MAN1B1: variants seen among roughly 807,000 people sequenced by gnomAD.
The protein encoded by MAN1B1 is endoplasmic reticulum mannosyl-oligosaccharide 1,2-alpha-mannosidase.
MAN1B1 carries 66 observed loss-of-function variants against 75.5 expected under a neutral mutation model. The observed-to-expected ratio is 0.87, with a 90% CI of 0.72 to 1.07. The LOEUF is 1.07. Ranked by LOEUF, MAN1B1 falls within the 50% of genes least tolerant of loss-of-function variation. The probability of loss-of-function intolerance (pLI) is 0.00; values close to 1 mark genes in which losing one functional copy is unlikely to be tolerated. For synonymous variants in MAN1B1, 453 were observed against 382.8 expected (o/e 1.18, Z -2.14); for missense variants, 973 against 912.5 (o/e 1.07, Z -0.85).
chr9:137,088,890 A>G lies in MAN1B1; in HGVS notation c.350A>G (p.Glu117Gly), dbSNP rs758036422. The change falls in exon 3 of 13, where the codon GAA becomes GGA. Residue 117 changes from glutamate to glycine, a missense_variant. Physicochemically the swap from Glu to Gly is moderately conservative, Grantham distance 98. Coordinates refer to ENST00000371589, the MANE Select transcript of MAN1B1 (RefSeq NM_016219.5). ...HWKALAFRLE[E>G]EQKMRPEIAG... ...TCAGCTCTGGCTTTCAGGCTAGAGG[A>G]AGAGCAGAAGATGAGGCCAGAAATT... is the stretch of plus-strand genomic sequence containing the variant. 6.2e-7 allele frequency: 1 copy of G among 1,614,002 alleles called. No homozygotes were observed. Among genetic ancestry groups the G allele is most frequent in the Non-Finnish European group, 8.5e-7 (1 of 1,180,026 alleles).
intron 7 of MAN1B1, 145 bp from the exon 8 acceptor site, chr9:137,101,339 T>G: frequency 9.3e-7 from 1 of 1,074,642 alleles, no homozygotes. Context: ...GTAGAGACAT[T>G]CACTCAGTGC....
intron 1 of MAN1B1, among the ~76,000 whole-genome samples, 169 bp from the exon 2 acceptor site, chr9:137,087,906 C>T (rs932768761): frequency 3.3e-5 from 5 of 152,032 alleles, no homozygotes; most frequent in African/African-American, 7.3e-5. Context: ...ACCCACTACA[C>T]TCCAGCCTAG....
At position 137,098,497 on chromosome 9, in the gene MAN1B1, C is replaced by T. The variant is rs952077790; in HGVS notation, c.730+560C>T. Reference sequence around the variant, plus strand: ...GTCGCTGAGTCTGGAGCCCTGCTCTCATCATGCCCCCCAGGTGTCTCTGAG... The same window carrying T: ...GTCGCTGAGTCTGGAGCCCTGCTCTTATCATGCCCCCCAGGTGTCTCTGAG... On this transcript the variant is annotated intron_variant, in intron 5 of 12. Transcript: ENST00000371589. Among the ~76,000 whole-genome samples, 4 of 152,172 alleles carry T rather than the reference C, an allele frequency of 2.6e-5. 1 individual carries two copies. Among genetic ancestry groups the T allele is most frequent in the African/African-American group, 9.7e-5 (4 of 41,434 alleles).
rs1248056094 is a variant in MAN1B1 at position 137,107,953 on chromosome 9, C to T, written c.1896+291C>T. 8 of 633,958 alleles carry T rather than the reference C, an allele frequency of 1.3e-5. No individual in the cohort carries two copies. In the East Asian group the frequency reaches 2.2e-4, roughly 17 times the overall value. 39.3% of individuals were successfully genotyped at this position (633,958 alleles called of 1,614,324 possible). A position where few individuals can be genotyped will look rare whatever the true frequency, so the allele number is the denominator to read the frequency against. On this transcript the variant is annotated intron_variant, in intron 12 of 12. Coordinates refer to ENST00000371589, the MANE Select transcript of MAN1B1 (RefSeq NM_016219.5). ...GTCTCTGCTGTGGGCCCAGCATCCC[C>T]CCAGTTTAGGAGGCACACGCACCCA...
rs1269106885 is a variant in MAN1B1 at position 137,107,531 on chromosome 9, C to T, written c.1765C>T (p.Pro589Ser). 6 of 1,612,834 alleles carry T rather than the reference C, an allele frequency of 3.7e-6. No homozygotes were observed. In the Admixed American group the frequency reaches 6.7e-5, roughly 18 times the overall value. ...QPGRRDVEVKPADRHNLLRPE... is the reference protein window; with the variant it reads ...QPGRRDVEVKSADRHNLLRPE... ...GCCCTGAGCTCTGCTCCGCCCACAG[C>T]CAGCAGACAGGCACAACCTGCTGCG... Residue 589 changes from proline to serine, a missense_variant and splice_region_variant, in exon 12 of 13, where the codon CCA (proline) becomes TCA (serine). Coordinates refer to ENST00000371589, the MANE Select transcript of MAN1B1 (RefSeq NM_016219.5).
At chr9:137,088,577 T>C (rs1008849420) in intron 2 of MAN1B1, 1 of 792,116 alleles carries the variant, frequency 1.3e-6, no homozygotes, top group South Asian at 1.6e-5. Context: ...ATGCTTCTCT[T>C]TGGAGCAAAG....
intron 3 of MAN1B1, among the ~76,000 whole-genome samples, chr9:137,092,992 A>G (rs1234105993): frequency 6.6e-6 from 1 of 152,154 alleles, no homozygotes; most frequent in Admixed American, 6.6e-5. Context: ...AGAATATTTC[A>G]TCCTTTACCA....
intron 2 of MAN1B1, chr9:137,088,419 C>A (rs1254154241): frequency 2.6e-6 from 4 of 1,560,562 alleles, no homozygotes; most frequent in Non-Finnish European, 3.5e-6. Flanking sequence ...ATATGTCCAG[C>A]CTCCCTTATA....
rs973135943 is a variant in MAN1B1 at position 137,108,956 on chromosome 9, C to T, written c.*365C>T. On this transcript the variant is annotated 3_prime_UTR_variant, in exon 13 of 13. Coordinates refer to ENST00000371589, the MANE Select transcript of MAN1B1 (RefSeq NM_016219.5). ...GGACAGCCCAGGGTGCAGCTCTGCCCGGGCTCGTGAAGCCTCAGATGTCCC... is the reference window on the plus strand; with the variant it reads ...GGACAGCCCAGGGTGCAGCTCTGCCTGGGCTCGTGAAGCCTCAGATGTCCC... 4.6e-5 allele frequency: 22 copies of T among 476,496 alleles called. No individual in the cohort carries two copies. In the East Asian group the frequency reaches 1.1e-3, roughly 23 times the overall value. The allele number at this position is 476,496 out of a possible 1,614,324, so 29.5% of individuals were successfully genotyped here. A position where few individuals can be genotyped will look rare whatever the true frequency, so the allele number is the denominator to read the frequency against.
intron 8 of MAN1B1, chr9:137,105,592 C>A: frequency 3.2e-6 from 1 of 313,348 alleles, no homozygotes; most frequent in South Asian, 2.7e-5. Context: ...GTACCCTGTG[C>A]CCCTCTGTGG....
chr9:137,096,757 T>C (rs1564279142), intron 4 of MAN1B1, among the ~76,000 whole-genome samples: 1 of 152,208 alleles, frequency 6.6e-6, no homozygotes, highest in African/African-American at 2.4e-5. Flanking sequence ...GAGAGGGAGT[T>C]GCCCGGTGCC....
Position 137,087,001 on chromosome 9 carries a change from T to TGGCTGCCTGCGAG in MAN1B1, c.6_18dup (p.Arg7_?6), listed in dbSNP as rs1830381176. 6.3e-7 allele frequency: 1 copy of TGGCTGCCTGCGAG among 1,592,786 alleles called. No homozygotes were observed. Among genetic ancestry groups the TGGCTGCCTGCGAG allele is most frequent in the East Asian group, 2.3e-5 (1 of 44,108 alleles). Reference sequence around the variant, plus strand: ...GGGCGGGCTGTTGACGGCGCTGCGATGGCTGCCTGCGAGGGCAGGAGAAGC... The same window carrying TGGCTGCCTGCGAG: ...GGGCGGGCTGTTGACGGCGCTGCGATGGCTGCCTGCGAGGGCTGCCTGCGAGGGCAGGAGAAGC... On this transcript the variant is annotated frameshift_variant and start_lost, in exon 1 of 13. Coordinates refer to ENST00000371589, the MANE Select transcript of MAN1B1 (RefSeq NM_016219.5). LOFTEE classifies it high-confidence loss of function.
At chr9:137,093,185 G>A (rs1035711502) in intron 3 of MAN1B1, among the ~76,000 whole-genome samples, 3 of 152,272 alleles carry the variant, frequency 2.0e-5, no homozygotes, top group Non-Finnish European at 4.4e-5. Flanking sequence ...TTTGAGGTCA[G>A]GAGTTTGAGA....
Position 137,088,073 on chromosome 9 carries a change from A to G in MAN1B1, c.220-2A>G. On this transcript the variant is annotated splice_acceptor_variant, in intron 1 of 12. Transcript: ENST00000371589. LOFTEE classifies it high-confidence loss of function. ...AAATGTCATTCTCTGTACCTCCCTT[A>G]GAAATGGAAGCAACTGTCGAGATTG... The G allele has an allele frequency of 1.9e-6, 3 of 1,612,420 alleles. No homozygotes were observed. Among genetic ancestry groups the G allele is most frequent in the Non-Finnish European group, 2.5e-6 (3 of 1,178,376 alleles).
chr9:137,096,379 G>A lies in MAN1B1; in HGVS notation c.608G>A (p.Arg203Lys). ...VDPRPEGDPQ[R>K]TVISWRGAVI... Reference sequence around the variant, plus strand: ...CCCCGCCCGGAAGGAGATCCGCAGAGGACAGTCATCAGGTACAGAGCGCAG... The same window carrying A: ...CCCCGCCCGGAAGGAGATCCGCAGAAGACAGTCATCAGGTACAGAGCGCAG... The change falls in exon 4 of 13, where the codon AGG (arginine) becomes AAG (lysine). Residue 203 changes from arginine (R) to lysine (K), a missense_variant. Coordinates refer to ENST00000371589, the MANE Select transcript of MAN1B1 (RefSeq NM_016219.5). 1 of 1,613,682 alleles carries A rather than the reference G, an allele frequency of 6.2e-7. No homozygotes were observed.
In MAN1B1 at chr9:137,087,058, T is replaced by G. The variant is rs763230337; in HGVS notation, c.59T>G (p.Leu20Arg). Residue 20 changes from leucine to arginine, a missense_variant, in exon 1 of 13, where the codon CTG becomes CGG. Coordinates refer to ENST00000371589, the MANE Select transcript of MAN1B1 (RefSeq NM_016219.5). ...CTCGGTTCCTCTCAGTCGGACTTCC[T>G]GACGCCGCCAGTGGGCGGGGCCCCT... is the stretch of plus-strand genomic sequence containing the variant. ...GALGSSQSDF[L>R]TPPVGGAPWA... The G allele has an allele frequency of 6.2e-6, 10 of 1,604,188 alleles. No individual in the cohort carries two copies. The South Asian group carries it at 7.8e-5, about 13-fold the overall frequency.
At chr9:137,106,418 C>G in intron 9 of MAN1B1, 103 bp downstream of exon 9, 5 of 1,157,932 alleles carry the variant, frequency 4.3e-6, no homozygotes, top group Non-Finnish European at 6.1e-6. Flanking sequence ...CTGCTGCCCC[C>G]CGCCACACTG....
intron 3 of MAN1B1, among the ~76,000 whole-genome samples, chr9:137,095,319 G>T (rs1238473923): frequency 6.6e-6 from 1 of 151,658 alleles, no homozygotes; most frequent in Non-Finnish European, 1.5e-5. Flanking sequence ...AAAGTGCTGG[G>T]ATTACAGACG....
At chr9:137,104,266 C>T (rs1456380606) in intron 8 of MAN1B1, 2 of 361,548 alleles carry the variant, frequency 5.5e-6, no homozygotes, top group Admixed American at 3.7e-5. Flanking sequence ...GACAGAGTCT[C>T]ATTCTGTCAC....
Sources: gnomAD v4.1 joint callset for allele counts (sites outside exome capture counted in the v4.1 genomes callset) on GRCh38, gnomAD v4.1.1 for gene constraint, MANE v1.5 for transcripts, NCBI Gene and HGNC (gene_info 2026-07-23, HGNC 2026-07-21) for gene names.